The following TIAM2 variants were observed in gnomAD, a reference collection of about 807,000 sequenced individuals.
The protein encoded by TIAM2 is TIAM Rac1 associated GEF 2.
In TIAM2, 80 loss-of-function variants were observed where a neutral mutation model predicts 152.9. The observed-to-expected ratio is 0.52, with a 90% CI of 0.44 to 0.63. The LOEUF (loss-of-function observed/expected upper bound fraction) is 0.63. TIAM2 is among the 30% of genes least tolerant of loss of function. TIAM2 has a pLI of 0.00. For synonymous variants in TIAM2, 804 were observed against 838.0 expected (o/e 0.96, Z 0.70); for missense variants, 1,965 against 2,120.1 (o/e 0.93, Z 1.44).
At chr6:155,111,549 G>A (rs1240496159) in intron 2 of TIAM2, among the ~76,000 whole-genome samples, 2 of 152,102 alleles carry the variant, frequency 1.3e-5, no homozygotes, top group African/African-American at 2.4e-5. Flanking sequence ...TCTCACTGGA[G>A]CTCTTGTATC....
intron 1 of TIAM2, among the ~76,000 whole-genome samples, chr6:155,018,272 G>T (rs572817822): frequency 3.4e-5 from 5 of 147,824 alleles, no homozygotes; most frequent in East Asian, 2.0e-4. Flanking sequence ...TGTGCAGATA[G>T]ATATATATAT....
chr6:155,132,401 C>A (rs1297594564), intron 4 of TIAM2, among the ~76,000 whole-genome samples: 1 of 151,820 alleles, frequency 6.6e-6, no homozygotes, highest in Non-Finnish European at 1.5e-5. Context: ...CCACCACCCC[C>A]TCCTGTGCTG....
At chr6:155,034,064 C>G (rs1245221177) in intron 1 of TIAM2, among the ~76,000 whole-genome samples, 2 of 149,804 alleles carry the variant, frequency 1.3e-5, no homozygotes, top group East Asian at 4.0e-4. Context: ...TTTTTCCTGC[C>G]TCCCTTTGGA....
At chr6:155,157,560 G>C (rs767552975) in intron 7 of TIAM2, among the ~76,000 whole-genome samples, 7 of 151,900 alleles carry the variant, frequency 4.6e-5, no homozygotes, top group South Asian at 2.1e-4. Context: ...TCCTGTCTCG[G>C]CCTCTCAAAG....
chr6:155,002,960 T>C (rs1385881559), intron 1 of TIAM2, among the ~76,000 whole-genome samples: 5 of 152,022 alleles, frequency 3.3e-5, no homozygotes, highest in African/African-American at 9.7e-5. Context: ...TCCCAAAGTG[T>C]TGGGATTATA....
intron 2 of TIAM2, among the ~76,000 whole-genome samples, chr6:155,117,187 T>A (rs950401869): frequency 1.8e-4 from 27 of 152,096 alleles, no homozygotes; most frequent in Non-Finnish European, 2.5e-4. Context: ...TTCTGTAATT[T>A]AAAAAATTAA....
intron 1 of TIAM2, among the ~76,000 whole-genome samples, chr6:154,999,368 G>A (rs1778275656): frequency 1.3e-5 from 2 of 151,730 alleles, no homozygotes; most frequent in Admixed American, 6.6e-5. Flanking sequence ...CACCACACCT[G>A]GCTAATTTTT....
At position 155,257,619 on chromosome 6, in the gene TIAM2, A is replaced by ATAAC; in HGVS notation, c.*501_*504dup. 1 of 552,072 alleles carries ATAAC rather than the reference A, an allele frequency of 1.8e-6. No homozygotes were observed. The highest frequency in any genetic ancestry group is 3.2e-6 in the Non-Finnish European group (1 of 316,722). The allele number at this position is 552,072 out of a possible 1,614,324, so 34.2% of individuals were successfully genotyped here. On this transcript the variant is annotated 3_prime_UTR_variant, in exon 27 of 27. Coordinates refer to ENST00000682666, the MANE Select transcript of TIAM2 (RefSeq NM_012454.4). ...AGATGCTGTTTATACTAAACATGTCATAACTATCTATACAGTATATATTAA... is the reference window on the plus strand; with the variant it reads ...AGATGCTGTTTATACTAAACATGTCATAACTAACTATCTATACAGTATATATTAA...
intron 1 of TIAM2, among the ~76,000 whole-genome samples, chr6:155,041,132 GC>G (rs1439831939): frequency 6.6e-6 from 1 of 152,108 alleles, no homozygotes; most frequent in Admixed American, 6.6e-5. Flanking sequence ...CTTGGACAAA[GC>G]CAGAATTTGG....
chr6:155,121,932 T>A (rs1251214815), intron 2 of TIAM2: 1 of 152,568 alleles, frequency 6.6e-6, no homozygotes, highest in Non-Finnish European at 1.5e-5. Flanking sequence ...CTTCAGTTGC[T>A]CCATCTGGGC....
chr6:155,140,842 A>C (rs534028415), intron 5 of TIAM2, among the ~76,000 whole-genome samples: 11 of 152,316 alleles, frequency 7.2e-5, no homozygotes, highest in African/African-American at 2.6e-4. Flanking sequence ...TTAATATAAA[A>C]AACAACAGTG....
intron 15 of TIAM2, among the ~76,000 whole-genome samples, chr6:155,221,732 T>G (rs1033302344): frequency 1.3e-5 from 2 of 152,164 alleles, no homozygotes; most frequent in Non-Finnish European, 2.9e-5. Context: ...GTCCCATGTC[T>G]GTCCTCTTTC....
At chr6:155,230,777 ATT>A (rs1465030836) in intron 15 of TIAM2, among the ~76,000 whole-genome samples, 18 of 97,582 alleles carry the variant, frequency 1.8e-4, no homozygotes, top group African/African-American at 7.7e-4. Context: ...ATGCATACAT[ATT>A]TATATAAGTA....
At chr6:155,000,061 T>C (rs1210343861) in intron 1 of TIAM2, among the ~76,000 whole-genome samples, 1 of 152,182 alleles carries the variant, frequency 6.6e-6, no homozygotes, top group African/African-American at 2.4e-5. Context: ...TTTGGAACAA[T>C]GAACAGTAAG....
chr6:154,996,629 C>T (rs1387970139), intron 1 of TIAM2, among the ~76,000 whole-genome samples: 2 of 152,106 alleles, frequency 1.3e-5, no homozygotes, highest in Non-Finnish European at 2.9e-5. Context: ...CGTACAGGTG[C>T]GGATCATATG....
chr6:155,193,522 C>T (rs546366022), intron 14 of TIAM2, among the ~76,000 whole-genome samples: 2 of 152,276 alleles, frequency 1.3e-5, no homozygotes, highest in South Asian at 2.1e-4. Flanking sequence ...CTACCAATAC[C>T]GTCAGGCTCA....
At chr6:155,068,713 T>G (rs751545431) in intron 1 of TIAM2, among the ~76,000 whole-genome samples, 2 of 152,234 alleles carry the variant, frequency 1.3e-5, no homozygotes, top group Middle Eastern at 3.4e-3. Context: ...CGCCTCGGCC[T>G]CCCAGAGTGC....
chr6:155,070,195 C>T lies in TIAM2; in HGVS notation c.-208-20094C>T, dbSNP rs530145544. Among the ~76,000 whole-genome samples the T allele has an allele frequency of 4.9e-5, 7 of 141,522 alleles. No individual in the cohort carries two copies. In the South Asian group the frequency reaches 1.1e-3, roughly 23 times the overall value. 92.8% of individuals were successfully genotyped at this position (141,522 alleles called of 152,430 possible). A position where few individuals can be genotyped will look rare whatever the true frequency, so the allele number is the denominator to read the frequency against. ...TGCTGAGATTACAGGTATGAGCCACCGCGCCTGGCCAGACTTTTTTTTTTT... is the reference window on the plus strand; with the variant it reads ...TGCTGAGATTACAGGTATGAGCCACTGCGCCTGGCCAGACTTTTTTTTTTT... On this transcript the variant is annotated intron_variant, in intron 1 of 26. Transcript: ENST00000682666.
intron 1 of TIAM2, among the ~76,000 whole-genome samples, chr6:155,070,048 A>G (rs918663022): frequency 1.3e-5 from 2 of 150,340 alleles, no homozygotes; most frequent in African/African-American, 4.9e-5. Flanking sequence ...CTGGGATTAC[A>G]GGCGTCTACC....
Sources: gnomAD v4.1 joint callset for allele counts (sites outside exome capture counted in the v4.1 genomes callset) on GRCh38, gnomAD v4.1.1 for gene constraint, MANE v1.5 for transcripts, NCBI Gene and HGNC (gene_info 2026-07-23, HGNC 2026-07-21) for gene names.